Variants in MAPKAP1 observed in about 807,000 individuals in gnomAD.
MAPKAP1 encodes the protein target of rapamycin complex 2 subunit MAPKAP1.
Under a neutral mutation model 65.7 loss-of-function variants are expected in MAPKAP1, and 20 were observed. The ratio of observed to expected loss-of-function variants is 0.30; its 90% CI spans 0.21 to 0.44. The LOEUF (loss-of-function observed/expected upper bound fraction) is 0.44. MAPKAP1 is among the 20% of genes least tolerant of loss of function. MAPKAP1 has a pLI of 1.00. For missense variants in MAPKAP1, 423 were observed against 648.0 expected, an observed-to-expected ratio of 0.65 and a Z score of 3.77; for synonymous variants, 222 against 244.3, an observed-to-expected ratio of 0.91 and a Z score of 0.85.
In MAPKAP1 at chr9:125,472,720, A is replaced by C. The variant is rs1853966504; in HGVS notation, c.1208-4611T>G. 2.0e-5 allele frequency among the ~76,000 whole-genome samples: 3 copies of C among 152,352 alleles called. No homozygotes were observed. The South Asian group carries it at 6.2e-4, about 32-fold the overall frequency. Reference sequence around the variant, plus strand: ...TCCAACAATGATGAAATACAAGATAACCACGAAAAGTTTTGACTAGAAAAA... The same window carrying C: ...TCCAACAATGATGAAATACAAGATACCCACGAAAAGTTTTGACTAGAAAAA... On this transcript the variant is annotated intron_variant, in intron 9 of 11. Coordinates refer to ENST00000265960, the MANE Select transcript of MAPKAP1 (RefSeq NM_001006617.3).
intron 4 of MAPKAP1, among the ~76,000 whole-genome samples, chr9:125,610,392 G>A (rs1371014343): frequency 6.6e-6 from 1 of 152,154 alleles, no homozygotes; most frequent in African/African-American, 2.4e-5. Context: ...AACTTTTTAA[G>A]GCAATCACAA....
intron 4 of MAPKAP1, among the ~76,000 whole-genome samples, chr9:125,591,821 C>T (rs1428055147): frequency 3.3e-5 from 5 of 151,800 alleles, no homozygotes; most frequent in South Asian, 4.2e-4. Flanking sequence ...AAACGGTGAC[C>T]GAAGGATTAA....
intron 4 of MAPKAP1, among the ~76,000 whole-genome samples, chr9:125,612,537 A>G (rs1832632354): frequency 6.6e-6 from 1 of 152,200 alleles, no homozygotes; most frequent in South Asian, 2.1e-4. Flanking sequence ...TCCTAAACGC[A>G]CTGTCTATTT....
At chr9:125,509,228 C>T (rs370761078) in intron 7 of MAPKAP1, among the ~76,000 whole-genome samples, 4 of 151,872 alleles carry the variant, frequency 2.6e-5, no homozygotes, top group South Asian at 2.1e-4. Flanking sequence ...CAAAATATCA[C>T]GTGTACTCCA....
At chr9:125,440,057 G>A (rs1339393456) in intron 11 of MAPKAP1, among the ~76,000 whole-genome samples, 1 of 152,222 alleles carries the variant, frequency 6.6e-6, no homozygotes, top group Non-Finnish European at 1.5e-5. Flanking sequence ...AACTGCGAGA[G>A]CTTGGCTGGC....
At chr9:125,498,008 C>T (rs749554458) in intron 8 of MAPKAP1, among the ~76,000 whole-genome samples, 1 of 152,182 alleles carries the variant, frequency 6.6e-6, no homozygotes, top group Admixed American at 6.5e-5. Flanking sequence ...GAAGCTTGGA[C>T]AAGAATGGAA....
intron 5 of MAPKAP1, among the ~76,000 whole-genome samples, chr9:125,577,128 G>T: frequency 6.6e-6 from 1 of 151,656 alleles, no homozygotes; most frequent in East Asian, 1.9e-4. Context: ...GTCTCTGCCC[G>T]GCCGCCCATC....
chr9:125,463,961 AC>A (rs1853587711), intron 10 of MAPKAP1, among the ~76,000 whole-genome samples: 1 of 152,178 alleles, frequency 6.6e-6, no homozygotes, highest in Non-Finnish European at 1.5e-5. Flanking sequence ...GTTCTGAAAT[AC>A]AGCCTGAGTG....
At chr9:125,548,769 T>C (rs967668023) in intron 6 of MAPKAP1, among the ~76,000 whole-genome samples, 3 of 152,188 alleles carry the variant, frequency 2.0e-5, no homozygotes, top group African/African-American at 4.8e-5. Flanking sequence ...TAATATATAA[T>C]GATGAGACAA....
At chr9:125,501,340 C>A (rs1828974487) in intron 8 of MAPKAP1, among the ~76,000 whole-genome samples, 1 of 152,144 alleles carries the variant, frequency 6.6e-6, no homozygotes, top group Non-Finnish European at 1.5e-5. Flanking sequence ...CACAGTTAAA[C>A]CAAATGTGCA....
intron 3 of MAPKAP1, among the ~76,000 whole-genome samples, chr9:125,668,394 T>A (rs10986835): frequency 6.6e-6 from 1 of 152,206 alleles, no homozygotes; most frequent in African/African-American, 2.4e-5. Context: ...GAGCACGAGG[T>A]AGAGGCTGCT....
chr9:125,559,328 A>C (rs1406791280), intron 6 of MAPKAP1: 1 of 213,032 alleles, frequency 4.7e-6, no homozygotes, highest in Non-Finnish European at 9.3e-6. Context: ...GAAGGTGCAA[A>C]CCTAGAAGTT....
chr9:125,643,047 C>T (rs1228062445), intron 4 of MAPKAP1, among the ~76,000 whole-genome samples: 2 of 151,878 alleles, frequency 1.3e-5, no homozygotes, highest in African/African-American at 2.4e-5. Flanking sequence ...TTACAGGCAC[C>T]TGCCACCACG....
chr9:125,590,804 C>T (rs1014507355), intron 4 of MAPKAP1, among the ~76,000 whole-genome samples: 6 of 151,574 alleles, frequency 4.0e-5, no homozygotes, highest in Non-Finnish European at 5.9e-5. Context: ...TAAACAGTCT[C>T]GCTCTGCTGC....
At chr9:125,597,587 C>T (rs1170503094) in intron 4 of MAPKAP1, among the ~76,000 whole-genome samples, 1 of 152,216 alleles carries the variant, frequency 6.6e-6, no homozygotes, top group Non-Finnish European at 1.5e-5. Flanking sequence ...GCTAAGTGTT[C>T]AGTTTCTCTC....
intron 10 of MAPKAP1, among the ~76,000 whole-genome samples, chr9:125,464,215 A>T (rs1434497278): frequency 2.7e-4 from 40 of 145,718 alleles, no homozygotes; most frequent in African/African-American, 9.6e-4. Context: ...AAAAAAAAAA[A>T]AAAAAAAAAA....
intron 9 of MAPKAP1, among the ~76,000 whole-genome samples, chr9:125,476,849 G>A (rs975333834): frequency 1.3e-5 from 2 of 152,158 alleles, no homozygotes; most frequent in African/African-American, 4.8e-5. Flanking sequence ...TCATGCTCAG[G>A]CCCAGGGCAG....
At chr9:125,479,735 G>T (rs1854240026) in intron 9 of MAPKAP1, among the ~76,000 whole-genome samples, 2 of 152,164 alleles carry the variant, frequency 1.3e-5, no homozygotes, top group Admixed American at 6.5e-5. Flanking sequence ...GCACTGCAGA[G>T]CCTGGGGATT....
intron 8 of MAPKAP1, among the ~76,000 whole-genome samples, chr9:125,489,226 A>C (rs1854612782): frequency 1.3e-5 from 2 of 152,226 alleles, no homozygotes; most frequent in African/African-American, 4.8e-5. Flanking sequence ...AATATAACCC[A>C]TTGGTATTTT....
Sources: gnomAD v4.1 joint callset for allele counts (sites outside exome capture counted in the v4.1 genomes callset) on GRCh38, gnomAD v4.1.1 for gene constraint, MANE v1.5 for transcripts, NCBI Gene and HGNC (gene_info 2026-07-23, HGNC 2026-07-21) for gene names.